Variants in RPTOR observed in about 807,000 individuals in gnomAD.
The protein encoded by RPTOR is regulatory-associated protein of mTOR.
Under a neutral mutation model 169.9 loss-of-function variants are expected in RPTOR, and 21 were observed. The ratio of observed to expected loss-of-function variants is 0.12; its 90% CI spans 0.09 to 0.18. The LOEUF is 0.18. Among genes scored for constraint, RPTOR ranks in the 10% least tolerant of loss-of-function variants. RPTOR has a pLI of 1.00. For missense variants in RPTOR, 1,133 were observed against 1,855.9 expected (o/e 0.61, Z 7.16); for synonymous variants, 732 against 753.2 (o/e 0.97, Z 0.46).
chr17:80,614,994 T>C (rs1422397832), intron 1 of RPTOR, among the ~76,000 whole-genome samples: 1 of 152,176 alleles, frequency 6.6e-6, no homozygotes, highest in Non-Finnish European at 1.5e-5. Context: ...CTTTGAATAG[T>C]TGGGTCATGG....
rs1190351190 is a variant in RPTOR at position 80,659,997 on chromosome 17, G to A, written c.348+16187G>A. Among the ~76,000 whole-genome samples the A allele has an allele frequency of 2.0e-5, 3 of 152,130 alleles. No homozygotes were observed. Among genetic ancestry groups the A allele is most frequent in the Admixed American group, 1.3e-4 (2 of 15,282 alleles). On this transcript the variant is annotated intron_variant, in intron 3 of 33. Coordinates refer to ENST00000306801, the MANE Select transcript of RPTOR (RefSeq NM_020761.3). This position sits in a 1 kb window ranked among gnomAD's most constrained non-coding sequence, Gnocchi z 4.3. ...TATAAGAATTTAAATGAGGCCGGGC[G>A]TGGTGGCTCATGCCTGTAATCCCAG...
At chr17:80,548,499 A>G (rs563785485) in intron 1 of RPTOR, among the ~76,000 whole-genome samples, 7 of 145,760 alleles carry the variant, frequency 4.8e-5, no homozygotes, top group Non-Finnish European at 8.9e-5. Context: ...CTCCTGCCTC[A>G]GCCTCCCAAG....
chr17:80,956,222 GAAAA>G (rs10536983), intron 28 of RPTOR, among the ~76,000 whole-genome samples: 9 of 146,512 alleles, frequency 6.1e-5, no homozygotes, highest in Non-Finnish European at 1.1e-4. Context: ...GCTTCTCTAT[GAAAA>G]AAAAAAAAAA....
intron 13 of RPTOR, among the ~76,000 whole-genome samples, chr17:80,879,387 G>A (rs1364520928): frequency 3.8e-5 from 4 of 106,516 alleles, no homozygotes; most frequent in African/African-American, 1.5e-4. Context: ...CCCTTCCCCT[G>A]CCCCTGCCCC....
At chr17:80,554,659 G>C (rs1056902667) in intron 1 of RPTOR, among the ~76,000 whole-genome samples, 1 of 152,040 alleles carries the variant, frequency 6.6e-6, no homozygotes, top group Non-Finnish European at 1.5e-5. Context: ...CAGGAGAATG[G>C]CGTGAACCCG....
intron 3 of RPTOR, among the ~76,000 whole-genome samples, chr17:80,698,790 C>A (rs528053739): frequency 2.4e-4 from 36 of 152,352 alleles, no homozygotes; most frequent in Admixed American, 6.5e-4. Context: ...CAGTCCTTTT[C>A]CTTCTGTCTT....
At chr17:80,558,460 G>A (rs1162779845) in intron 1 of RPTOR, among the ~76,000 whole-genome samples, 3 of 152,154 alleles carry the variant, frequency 2.0e-5, no homozygotes, top group Admixed American at 6.6e-5. Context: ...TTTCAGGTGC[G>A]TTTATTGTTC....
chr17:80,786,924 C>T (rs994476327), intron 6 of RPTOR, among the ~76,000 whole-genome samples: 1 of 152,132 alleles, frequency 6.6e-6, no homozygotes, highest in African/African-American at 2.4e-5. Context: ...ATCACTAGTC[C>T]ATATTTGGCC....
At chr17:80,757,324 G>A (rs551309953) in intron 6 of RPTOR, among the ~76,000 whole-genome samples, 3 of 152,320 alleles carry the variant, frequency 2.0e-5, no homozygotes, top group East Asian at 3.9e-4. Context: ...CAGTGAGGCG[G>A]AAGACCCTCT....
At chr17:80,796,152 G>A (rs918151727) in intron 7 of RPTOR, among the ~76,000 whole-genome samples, 1 of 152,214 alleles carries the variant, frequency 6.6e-6, no homozygotes, top group African/African-American at 2.4e-5. Flanking sequence ...CACTGCCTGA[G>A]ACTGGGTGTA....
In RPTOR at chr17:80,768,946, G is replaced by A. The variant is rs530874768; in HGVS notation, c.830+14761G>A. Among the ~76,000 whole-genome samples the A allele has an allele frequency of 1.3e-4, 20 of 152,282 alleles. No individual in the cohort carries two copies. In the South Asian group the frequency reaches 2.9e-3, roughly 22 times the overall value. Reference sequence around the variant, plus strand: ...ATGACCCTTTTTTAAATAAAAAAGCGATCATTTGATTTGTGCTAAACTGGA... The same window carrying A: ...ATGACCCTTTTTTAAATAAAAAAGCAATCATTTGATTTGTGCTAAACTGGA... On this transcript the variant is annotated intron_variant, in intron 6 of 33. Transcript: ENST00000306801.
At chr17:80,955,850 T>C (rs1283247511) in intron 28 of RPTOR, among the ~76,000 whole-genome samples, 1 of 152,144 alleles carries the variant, frequency 6.6e-6, no homozygotes, top group Non-Finnish European at 1.5e-5. Context: ...CGCTTCCTTC[T>C]CCACCCGCAA....
At chr17:80,770,887 C>T (rs2066836340) in intron 6 of RPTOR, among the ~76,000 whole-genome samples, 1 of 152,246 alleles carries the variant, frequency 6.6e-6, no homozygotes. Context: ...GCATCTTCCC[C>T]TTAGACAGAG....
At chr17:80,697,037 C>CTGGT (rs2066043018) in intron 3 of RPTOR, among the ~76,000 whole-genome samples, 1 of 152,188 alleles carries the variant, frequency 6.6e-6, no homozygotes, top group Non-Finnish European at 1.5e-5. Flanking sequence ...GACAGTCTTT[C>CTGGT]TGGTACCAGC....
At chr17:80,877,307 G>T (rs754195625) in intron 13 of RPTOR, among the ~76,000 whole-genome samples, 10 of 152,214 alleles carry the variant, frequency 6.6e-5, no homozygotes, top group African/African-American at 2.4e-4. Flanking sequence ...GTTTGAGTTA[G>T]TGAAAATGTG....
chr17:80,645,613 G>A (rs1031086971), intron 3 of RPTOR, among the ~76,000 whole-genome samples: 3 of 151,974 alleles, frequency 2.0e-5, no homozygotes, highest in Admixed American at 6.6e-5. Context: ...TATTAGTTTC[G>A]CTTGGTAGAT....
chr17:80,894,420 A>G (rs2068373155), intron 20 of RPTOR, among the ~76,000 whole-genome samples: 1 of 152,180 alleles, frequency 6.6e-6, no homozygotes, highest in African/African-American at 2.4e-5. Flanking sequence ...TCTCCACACA[A>G]CTTTCCCTCC....
chr17:80,930,070 C>T (rs1314190820), intron 24 of RPTOR, among the ~76,000 whole-genome samples: 1 of 148,752 alleles, frequency 6.7e-6, no homozygotes, highest in African/African-American at 2.5e-5. Flanking sequence ...CATCCTCATC[C>T]CCAGCTCATC....
chr17:80,885,111 C>A lies in RPTOR; in HGVS notation c.1946C>A (p.Ala649Asp). ...GACCACAACGTGGCCATGATGCTGG[C>A]CCAGCTGGTCAGCGACGGGAGCCCC... ...TIDHNVAMML[A>D]QLVSDGSPMV... Residue 649 changes from alanine to aspartate, a missense_variant, in exon 17 of 34, where the codon GCC becomes GAC. By Grantham distance (126) the Ala-to-Asp change is moderately radical. Transcript: ENST00000306801. 6.3e-7 allele frequency: 1 copy of A among 1,577,500 alleles called. No individual in the cohort carries two copies. Among genetic ancestry groups the A allele is most frequent in the Non-Finnish European group, 8.6e-7 (1 of 1,162,280 alleles).
Sources: allele counts gnomAD v4.1 joint callset (sites outside exome capture counted in the v4.1 genomes callset), GRCh38; gene constraint gnomAD v4.1.1; non-coding constraint Gnocchi (gnomAD v3.1); transcripts MANE v1.5; gene names NCBI Gene and HGNC (gene_info 2026-07-23, HGNC 2026-07-21).